RAD51B: variants seen among roughly 807,000 people sequenced by gnomAD.
RAD51B encodes the protein RAD51 paralog B, also known as DNA repair protein RAD51 homolog 2.
RAD51B carries 38 observed loss-of-function variants against 42.2 expected under a neutral mutation model. The ratio of observed to expected loss-of-function variants is 0.90; its 90% CI spans 0.70 to 1.18. RAD51B has a LOEUF of 1.18. Ranked by LOEUF, RAD51B falls within the 50% of genes most tolerant of loss-of-function variation. The pLI is 0.00. For missense variants in RAD51B, 373 were observed against 400.7 expected (o/e 0.93, Z 0.59); for synonymous variants, 154 against 145.2 (o/e 1.06, Z -0.43).
intron 10 of RAD51B, among the ~76,000 whole-genome samples, chr14:68,506,707 G>C (rs751221460): frequency 1.3e-5 from 2 of 152,198 alleles, no homozygotes; most frequent in Non-Finnish European, 2.9e-5. Flanking sequence ...AGGCGGGTGG[G>C]GGGGACAAAG....
chr14:68,064,439 G>C (rs1032768497), intron 7 of RAD51B, among the ~76,000 whole-genome samples: 1 of 152,050 alleles, frequency 6.6e-6, no homozygotes, highest in Non-Finnish European at 1.5e-5. Flanking sequence ...GGACCTTATT[G>C]GTTTGAAATT....
intron 10 of RAD51B, chr14:68,594,463 C>CA: frequency 7.3e-7 from 1 of 1,362,256 alleles, no homozygotes; most frequent in Non-Finnish European, 9.7e-7. Context: ...CTTTGACTTC[C>CA]TTTTTTTTCT....
intron 10 of RAD51B, among the ~76,000 whole-genome samples, chr14:68,583,115 G>A (rs181284802): frequency 2.6e-5 from 4 of 152,194 alleles, no homozygotes; most frequent in Admixed American, 6.5e-5. Context: ...AAATCTGCAC[G>A]TTCTGCACAT....
chr14:68,493,310 G>A (rs1398155133), intron 10 of RAD51B, among the ~76,000 whole-genome samples: 3 of 152,154 alleles, frequency 2.0e-5, no homozygotes, highest in African/African-American at 7.2e-5. Flanking sequence ...TTGCTTATGA[G>A]TAGAATGATG....
chr14:68,648,112 C>CGTATATATACGTGT (rs1555434149), intron 10 of RAD51B, among the ~76,000 whole-genome samples: 11,890 of 38,918 alleles, frequency 0.31, 1,625 homozygotes, highest in East Asian at 0.47. Flanking sequence ...TATACACACA[C>CGTATATATACGTGT]GTATATATAT....
chr14:68,543,010 A>C (rs944428279), intron 10 of RAD51B, among the ~76,000 whole-genome samples: 2 of 152,184 alleles, frequency 1.3e-5, no homozygotes, highest in Admixed American at 6.5e-5. Context: ...CTCTAACCCA[A>C]GTTAAATCTT....
At chr14:68,191,417 G>A (rs1014791587) in intron 7 of RAD51B, among the ~76,000 whole-genome samples, 1 of 152,170 alleles carries the variant, frequency 6.6e-6, no homozygotes. Context: ...ATAAGAAAGT[G>A]TCTAAGAACT....
At chr14:68,490,772 G>C (rs896090893) in intron 10 of RAD51B, among the ~76,000 whole-genome samples, 5 of 152,166 alleles carry the variant, frequency 3.3e-5, no homozygotes, top group African/African-American at 7.2e-5. Context: ...GAGGGGAAGG[G>C]TGGAGAGCTC....
At chr14:68,081,528 G>A (rs2076911484) in intron 7 of RAD51B, among the ~76,000 whole-genome samples, 1 of 152,230 alleles carries the variant, frequency 6.6e-6, no homozygotes, top group Non-Finnish European at 1.5e-5. Flanking sequence ...ACTCATTTCT[G>A]TGTTTATATG....
intron 10 of RAD51B, among the ~76,000 whole-genome samples, chr14:68,486,622 T>G (rs1883645991): frequency 1.3e-5 from 2 of 152,188 alleles, no homozygotes. Flanking sequence ...GAGGAAAGCT[T>G]AAAATGAAGC....
In RAD51B at chr14:67,858,547, A is replaced by G. The variant is rs769136604; in HGVS notation, c.316-6456A>G. Among the ~76,000 whole-genome samples, 10 of 152,226 alleles carry G rather than the reference A, an allele frequency of 6.6e-5. No individual in the cohort carries two copies. The East Asian group carries it at 1.7e-3, about 26-fold the overall frequency. ...GGTTTGCAATTATGCAAAAAATTTT[A>G]AAGCAAAGACACCACTCAAAGGTGG... On this transcript the variant is annotated intron_variant, in intron 4 of 10. Coordinates refer to ENST00000471583, the MANE Select transcript of RAD51B (RefSeq NM_133510.4).
At chr14:68,478,758 C>T (rs2140257749), downstream of RAD51B, among the ~76,000 whole-genome samples, 1 of 152,300 alleles carries the variant, frequency 6.6e-6, no homozygotes, top group Admixed American at 6.5e-5. Context: ...TTTCATGTCT[C>T]CTATGAGTGC....
At chr14:67,949,689 C>A (rs1048427214) in intron 7 of RAD51B, among the ~76,000 whole-genome samples, 25 of 152,118 alleles carry the variant, frequency 1.6e-4, no homozygotes, top group Admixed American at 1.6e-3. Context: ...TTATCCAGAT[C>A]CATCAGAAGA....
intron 7 of RAD51B, among the ~76,000 whole-genome samples, chr14:67,960,450 G>C (rs1487328880): frequency 6.6e-6 from 1 of 152,110 alleles, no homozygotes; most frequent in Non-Finnish European, 1.5e-5. Context: ...AGAGCCTATA[G>C]TTTTTATCTT....
intron 11 of RAD51B, among the ~76,000 whole-genome samples, chr14:68,663,256 T>C (rs1325078130): frequency 6.6e-6 from 1 of 152,068 alleles, no homozygotes; most frequent in Non-Finnish European, 1.5e-5. Context: ...TGAGTTGAGA[T>C]CTAGCCACTG....
chr14:68,270,354 A>T (rs576866201), intron 7 of RAD51B, among the ~76,000 whole-genome samples: 1 of 152,362 alleles, frequency 6.6e-6, no homozygotes, highest in East Asian at 1.9e-4. Flanking sequence ...AGAGTCTGGA[A>T]TAGAGGGATA....
chr14:67,978,588 T>C (rs1283026762), intron 7 of RAD51B, among the ~76,000 whole-genome samples: 3 of 152,280 alleles, frequency 2.0e-5, no homozygotes, highest in East Asian at 3.9e-4. Flanking sequence ...GAAGAGACAG[T>C]GTGAAGGAGG....
chr14:68,383,463 G>A (rs553501261), intron 8 of RAD51B, among the ~76,000 whole-genome samples: 4 of 152,252 alleles, frequency 2.6e-5, no homozygotes, highest in African/African-American at 4.8e-5. Flanking sequence ...AAGCCATGTG[G>A]TATATAACAC....
At position 68,117,355 on chromosome 14, in the gene RAD51B, T is replaced by A. The variant is rs1166992566; in HGVS notation, c.757-174529T>A. On this transcript the variant is annotated intron_variant, in intron 7 of 10. Coordinates refer to ENST00000471583, the MANE Select transcript of RAD51B (RefSeq NM_133510.4). ...AATTCTCCATTAAATGTTGCAGTTA[T>A]CATGATCAACAGATTGGTGAATATG... Among the ~76,000 whole-genome samples, 25 of 152,318 alleles carry A rather than the reference T, an allele frequency of 1.6e-4. No individual in the cohort carries two copies. In the East Asian group the frequency reaches 4.4e-3, roughly 27 times the overall value.
Sources: allele counts gnomAD v4.1 joint callset (sites outside exome capture counted in the v4.1 genomes callset), GRCh38; gene constraint gnomAD v4.1.1; transcripts MANE v1.5; gene names NCBI Gene and HGNC (gene_info 2026-07-23, HGNC 2026-07-21).